VTA1: variants seen among roughly 807,000 people sequenced by gnomAD.
VTA1 encodes vesicle trafficking 1, also known as vacuolar protein sorting-associated protein VTA1 homolog.
In VTA1, 24 loss-of-function variants were observed where a neutral mutation model predicts 36.9. The observed-to-expected ratio is 0.65, with a 90% CI of 0.47 to 0.91. VTA1 has a LOEUF of 0.91. Ranked by LOEUF, VTA1 falls within the 40% of genes least tolerant of loss-of-function variation. The pLI is 0.00. For synonymous variants in VTA1, 142 were observed against 130.2 expected (o/e 1.09, Z -0.62); for missense variants, 393 against 377.2 (o/e 1.04, Z -0.35).
intron 7 of VTA1, among the ~76,000 whole-genome samples, chr6:142,211,706 A>G (rs1257536695): frequency 9.5e-6 from 1 of 105,224 alleles, no homozygotes; most frequent in African/African-American, 3.1e-5. Flanking sequence ...GCGAGACTCC[A>G]TCTCTTAAAA....
chr6:142,162,492 G>GT (rs1774829761), intron 1 of VTA1, among the ~76,000 whole-genome samples: 1 of 152,154 alleles, frequency 6.6e-6, no homozygotes, highest in Non-Finnish European at 1.5e-5. Context: ...ATAATTACCT[G>GT]ATGTGTATGT....
rs538563590 is a variant in VTA1 at position 142,172,553 on chromosome 6, C to G, written c.411+2132C>G. 4.6e-5 allele frequency among the ~76,000 whole-genome samples: 7 copies of G among 152,274 alleles called. No individual in the cohort carries two copies. In the East Asian group the frequency reaches 1.2e-3, roughly 25 times the overall value. On this transcript the variant is annotated intron_variant, in intron 4 of 7. Transcript: ENST00000367630. Reference sequence around the variant, plus strand: ...GAACTGATACCCGGAGTGTGAAAACCTGAACTATTACTCAATGGGTATTAC... The same window carrying G: ...GAACTGATACCCGGAGTGTGAAAACGTGAACTATTACTCAATGGGTATTAC...
chr6:142,223,158 T>C lies in VTA1; in HGVS notation c.*4515T>C, dbSNP rs548404757. 11 of 152,364 alleles carry C rather than the reference T, an allele frequency of 7.2e-5. No individual in the cohort carries two copies. The East Asian group carries it at 1.9e-3, about 27-fold the overall frequency. 9.4% of individuals were successfully genotyped at this position (152,364 alleles called of 1,614,324 possible). ...CTATTATCTGGGCCATATGTTCCAA[T>C]TGACAGTGCTAGGCAGTGAACACAG... On this transcript the variant is annotated 3_prime_UTR_variant, in exon 8 of 8. Coordinates refer to ENST00000367630, the MANE Select transcript of VTA1 (RefSeq NM_016485.5).
chr6:142,191,131 T>C (rs2114666672), intron 5 of VTA1, among the ~76,000 whole-genome samples: 1 of 152,298 alleles, frequency 6.6e-6, no homozygotes, highest in East Asian at 1.9e-4. Context: ...TCTACAGTTT[T>C]CCTTTTTGGT....
At chr6:142,166,395 T>G in intron 2 of VTA1, 73 bp downstream of exon 2, 1 of 1,153,844 alleles carries the variant, frequency 8.7e-7, no homozygotes, top group Non-Finnish European at 1.3e-6. Context: ...GTGTCTGTGT[T>G]GTCATTTTAG....
chr6:142,176,123 A>G (rs1415609090), intron 4 of VTA1, among the ~76,000 whole-genome samples: 3 of 152,168 alleles, frequency 2.0e-5, no homozygotes, highest in Admixed American at 2.0e-4. Flanking sequence ...GTTTGTGGCC[A>G]ATATTATTGA....
intron 5 of VTA1, among the ~76,000 whole-genome samples, chr6:142,190,908 CTGGCCATAGTTGGCCAA>C (rs1489403360): frequency 2.6e-5 from 4 of 152,322 alleles, no homozygotes; most frequent in East Asian, 3.9e-4. Context: ...TGCCAGCCCA[CTGGCCATAGTTGGCCAA>C]CCCCAATCTA....
chr6:142,173,463 G>T (rs1215683157), intron 4 of VTA1, among the ~76,000 whole-genome samples: 1 of 152,174 alleles, frequency 6.6e-6, no homozygotes, highest in Non-Finnish European at 1.5e-5. Flanking sequence ...TAGAGACGGG[G>T]TTTCACTGTG....
In VTA1 at chr6:142,222,142, G is replaced by A. The variant is rs1235326789; in HGVS notation, c.*3499G>A. 6.6e-6 allele frequency: 1 copy of A among 152,062 alleles called. No individual in the cohort carries two copies. The highest frequency in any genetic ancestry group is 1.5e-5 in the Non-Finnish European group (1 of 68,046). 9.4% of individuals were successfully genotyped at this position (152,062 alleles called of 1,614,324 possible). A position where few individuals can be genotyped will look rare whatever the true frequency, so the allele number is the denominator to read the frequency against. The stretch of plus-strand genomic sequence containing the variant: ...TACGAACATAAGAGAAGGAGTAAAG[G>A]TTGACTCCAGATTTTTCACCTGAAT... On this transcript the variant is annotated 3_prime_UTR_variant, in exon 8 of 8. Coordinates refer to ENST00000367630, the MANE Select transcript of VTA1 (RefSeq NM_016485.5).
rs1776091086 is a variant in VTA1 at position 142,220,600 on chromosome 6, G to A, written c.*1957G>A. ...GTGTCAATACTAATGCTCTAATAAT[G>A]TAAATTGTTAATAATTTATTTCCCT... On this transcript the variant is annotated 3_prime_UTR_variant, in exon 8 of 8. Coordinates refer to ENST00000367630, the MANE Select transcript of VTA1 (RefSeq NM_016485.5). 1 of 152,150 alleles carries A rather than the reference G, an allele frequency of 6.6e-6. No individual in the cohort carries two copies. Among genetic ancestry groups the A allele is most frequent in the Non-Finnish European group, 1.5e-5 (1 of 68,034 alleles). 9.4% of individuals were successfully genotyped at this position (152,150 alleles called of 1,614,324 possible). A position where few individuals can be genotyped will look rare whatever the true frequency, so the allele number is the denominator to read the frequency against.
intron 1 of VTA1, among the ~76,000 whole-genome samples, chr6:142,154,239 A>G (rs1021632414): frequency 6.6e-6 from 1 of 152,028 alleles, no homozygotes; most frequent in Non-Finnish European, 1.5e-5. Flanking sequence ...TGTTCTATTA[A>G]ATGAAATCAT....
intron 5 of VTA1, among the ~76,000 whole-genome samples, chr6:142,195,595 C>CTTTTTTT (rs72442499): frequency 4.0e-4 from 28 of 70,672 alleles, no homozygotes; most frequent in East Asian, 9.5e-4. Flanking sequence ...GTTTAATTTG[C>CTTTTTTT]TTTTTTTTTT....
At chr6:142,162,576 G>A (rs1774831257) in intron 1 of VTA1, among the ~76,000 whole-genome samples, 1 of 152,154 alleles carries the variant, frequency 6.6e-6, no homozygotes, top group African/African-American at 2.4e-5. Context: ...GGGAAAGCAA[G>A]TATCAAGCCC....
chr6:142,168,830 G>A (rs776551365), intron 2 of VTA1, among the ~76,000 whole-genome samples: 3 of 150,662 alleles, frequency 2.0e-5, no homozygotes, highest in Non-Finnish European at 4.4e-5. Flanking sequence ...GCAGTGGCGC[G>A]ATCTCAGCCC....
chr6:142,221,427 G>A lies in VTA1; in HGVS notation c.*2784G>A, dbSNP rs1776106865. On this transcript the variant is annotated 3_prime_UTR_variant, in exon 8 of 8. Coordinates refer to ENST00000367630, the MANE Select transcript of VTA1 (RefSeq NM_016485.5). ...GAAGAGCATTCCCAACAGGTAGACA[G>A]AAATCAGGTCAGAGGGTAAAAGCAG... 6.6e-6 allele frequency: 1 copy of A among 152,194 alleles called. No homozygotes were observed. The highest frequency in any genetic ancestry group is 1.5e-5 in the Non-Finnish European group (1 of 68,054). 9.4% of individuals were successfully genotyped at this position (152,194 alleles called of 1,614,324 possible).
At chr6:142,176,770 GT>G (rs755033841) in intron 4 of VTA1, among the ~76,000 whole-genome samples, 1 of 152,142 alleles carries the variant, frequency 6.6e-6, no homozygotes, top group Non-Finnish European at 1.5e-5. Context: ...TCAGTATTAT[GT>G]TGTCACAAAC....
At chr6:142,165,725 T>A (rs1056629694) in intron 1 of VTA1, among the ~76,000 whole-genome samples, 1 of 152,198 alleles carries the variant, frequency 6.6e-6, no homozygotes, top group Non-Finnish European at 1.5e-5. Flanking sequence ...CTTATCTCAG[T>A]TGTTTTTATT....
intron 4 of VTA1, among the ~76,000 whole-genome samples, chr6:142,181,094 A>AAAAAAAATATATATATATAT (rs1471429927): frequency 5.5e-5 from 2 of 36,432 alleles, no homozygotes; most frequent in African/African-American, 7.6e-5. Context: ...AAAAAAAAAA[A>AAAAAAAATATATATATATAT]ATATATATAT....
intron 6 of VTA1, 149 bp from the exon 7 acceptor site, chr6:142,203,836 A>G (rs1775735466): frequency 9.5e-6 from 6 of 628,336 alleles, no homozygotes; most frequent in South Asian, 7.6e-5. Context: ...ATCCTCCAAC[A>G]TCAACTAAGT....
Sources: allele counts gnomAD v4.1 joint callset (sites outside exome capture counted in the v4.1 genomes callset), GRCh38; gene constraint gnomAD v4.1.1; transcripts MANE v1.5; gene names NCBI Gene and HGNC (gene_info 2026-07-23, HGNC 2026-07-21).